NRG1: variants seen among roughly 807,000 people sequenced by gnomAD.
The protein encoded by NRG1 is pro-neuregulin-1, membrane-bound isoform.
A neutral mutation model predicts 63.8 loss-of-function variants in NRG1; 18 were observed. The observed-to-expected ratio is 0.28, with a 90% CI of 0.19 to 0.42. NRG1 has a LOEUF of 0.42. Among genes scored for constraint, NRG1 ranks in the 10% least tolerant of loss-of-function variants. The pLI is 1.00. For synonymous variants in NRG1, 302 were observed against 301.3 expected, an observed-to-expected ratio of 1.00 and a Z score of -0.02; for missense variants, 762 against 814.7, an observed-to-expected ratio of 0.94 and a Z score of 0.79.
rs140767452 is a variant in NRG1, at chr8:32,383,046, A to T, written c.38-212782A>T. ...AGATCAGCCTGGGCAATGTAGCAAG[A>T]TTTCGTCCCTACTAAAAAAAAAAAA... On this transcript the variant is annotated intron_variant, in intron 1 of 10. Coordinates refer to the NRG1 transcript ENST00000519301. 4.5e-3 allele frequency among the ~76,000 whole-genome samples: 680 copies of T among 150,376 alleles called. 5 individuals carry two copies. The highest frequency in any genetic ancestry group is 0.016 in the African/African-American group (642 of 40,778).
chr8:32,485,696 A>ACAATTGT (rs1825818189), intron 1 of NRG1, among the ~76,000 whole-genome samples: 2 of 152,216 alleles, frequency 1.3e-5, no homozygotes, highest in African/African-American at 4.8e-5. Context: ...AAACAAGTAA[A>ACAATTGT]CAATTGTCAG....
chr8:32,372,637 A>C (rs898506116), intron 1 of NRG1, among the ~76,000 whole-genome samples: 1 of 152,190 alleles, frequency 6.6e-6, no homozygotes, highest in Admixed American at 6.6e-5. Flanking sequence ...GTTTTAAAAA[A>C]TTGAATGTAG....
At chr8:32,606,098 A>T (rs534067959) in intron 3 of NRG1, among the ~76,000 whole-genome samples, 67 of 149,742 alleles carry the variant, frequency 4.5e-4, no homozygotes, top group African/African-American at 1.6e-3. Context: ...ATTATGTATT[A>T]TATATGCGTT....
At chr8:32,284,875 A>G (rs1935466158) in intron 1 of NRG1, among the ~76,000 whole-genome samples, 2 of 152,168 alleles carry the variant, frequency 1.3e-5, no homozygotes, top group Non-Finnish European at 2.9e-5. Context: ...AACAATGCCC[A>G]GAGCATATGC....
intron 5 of NRG1, among the ~76,000 whole-genome samples, chr8:32,650,598 G>C (rs980586395): frequency 8.1e-6 from 1 of 124,038 alleles, no homozygotes; most frequent in East Asian, 2.7e-4. Context: ...TTAGAGACTT[G>C]TAAGTGGTTG....
exon 12 of NRG1, chr8:32,766,757 G>A (rs1354116243): frequency 6.6e-6 from 1 of 152,126 alleles, no homozygotes; most frequent in Admixed American, 6.6e-5. Flanking sequence ...ATCACTCACA[G>A]AGGTGGCATA....
intron 1 of NRG1, among the ~76,000 whole-genome samples, chr8:31,982,114 G>C (rs1406659608): frequency 6.6e-6 from 1 of 151,898 alleles, no homozygotes; most frequent in Non-Finnish European, 1.5e-5. Flanking sequence ...AACTGGTAAA[G>C]GTGGCAGGAT....
At chr8:32,176,372 C>A (rs1840730212) in intron 1 of NRG1, among the ~76,000 whole-genome samples, 1 of 152,150 alleles carries the variant, frequency 6.6e-6, no homozygotes, top group Non-Finnish European at 1.5e-5. Flanking sequence ...ACCATAAAAA[C>A]CCTAGAAGAA....
At chr8:32,392,972 A>G (rs1391126544) in intron 1 of NRG1, among the ~76,000 whole-genome samples, 1 of 152,118 alleles carries the variant, frequency 6.6e-6, no homozygotes, top group East Asian at 1.9e-4. Flanking sequence ...GGGCTGTCCC[A>G]CTGTCTCTGC....
At chr8:31,901,747 C>T (rs533438872) in intron 1 of NRG1, among the ~76,000 whole-genome samples, 2 of 152,284 alleles carry the variant, frequency 1.3e-5, no homozygotes, top group Admixed American at 6.5e-5. Context: ...TCAGCAACTA[C>T]TTTAGTTTAA....
At chr8:31,800,980 AC>A (rs777186019) in intron 1 of NRG1, among the ~76,000 whole-genome samples, 8 of 150,092 alleles carry the variant, frequency 5.3e-5, no homozygotes, top group Non-Finnish European at 1.0e-4. Flanking sequence ...AGCTGGGACT[AC>A]AGGCACCTGA....
intron 1 of NRG1, among the ~76,000 whole-genome samples, chr8:32,040,175 A>C (rs1310206561): frequency 6.6e-6 from 1 of 152,152 alleles, no homozygotes; most frequent in African/African-American, 2.4e-5. Context: ...TTCTATCATC[A>C]TTCTCATAAT....
chr8:31,732,285 A>G (rs1474675610), intron 1 of NRG1, among the ~76,000 whole-genome samples: 1 of 152,116 alleles, frequency 6.6e-6, no homozygotes, highest in African/African-American at 2.4e-5. Flanking sequence ...TTTGCTCATA[A>G]AAACTCTGGT....
At chr8:31,669,144 C>T (rs1047183411) in intron 1 of NRG1, among the ~76,000 whole-genome samples, 2 of 152,058 alleles carry the variant, frequency 1.3e-5, no homozygotes, top group African/African-American at 4.8e-5. Flanking sequence ...CAGACTTGAC[C>T]TTCTGGGCAC....
At chr8:32,549,411 G>C (rs1178919936) in intron 1 of NRG1, among the ~76,000 whole-genome samples, 3 of 152,180 alleles carry the variant, frequency 2.0e-5, no homozygotes, top group Non-Finnish European at 2.9e-5. Context: ...CCTGTGCTAC[G>C]GAGACTCAAG....
Position 31,753,964 on chromosome 8 carries a change from T to G in NRG1, c.37+114533T>G, listed in dbSNP as rs117511692. 3.8e-3 allele frequency among the ~76,000 whole-genome samples: 584 copies of G among 152,246 alleles called. 1 individual carries two copies. The highest frequency in any genetic ancestry group is 0.02 in the Middle Eastern group (6 of 294). ...GAGGTGTTGAACTGAAACACATCCT[T>G]CTAGGTACTTAGCTGTTTTGTTTCT... On this transcript the variant is annotated intron_variant, in intron 1 of 10. Coordinates refer to the NRG1 transcript ENST00000519301.
intron 1 of NRG1, among the ~76,000 whole-genome samples, chr8:31,960,850 A>C (rs1805327253): frequency 6.6e-6 from 1 of 152,250 alleles, no homozygotes; most frequent in African/African-American, 2.4e-5. Flanking sequence ...GCAATACATT[A>C]AGATTTAATA....
At chr8:32,455,672 A>G (rs555241739) in intron 1 of NRG1, among the ~76,000 whole-genome samples, 1 of 152,234 alleles carries the variant, frequency 6.6e-6, no homozygotes, top group African/African-American at 2.4e-5. Context: ...TTAGATACCA[A>G]TTAGGTTTAA....
chr8:32,344,330 C>CTTTCTTTCTTTCT (rs1266781168), intron 1 of NRG1, among the ~76,000 whole-genome samples: 1 of 54,506 alleles, frequency 1.8e-5, no homozygotes, highest in African/African-American at 6.3e-5. Flanking sequence ...CTTTCTCTTT[C>CTTTCTTTCTTTCT]TTTCTTTCTT....
Sources: allele counts gnomAD v4.1 joint callset (sites outside exome capture counted in the v4.1 genomes callset), GRCh38; gene constraint gnomAD v4.1.1; transcripts MANE v1.5; gene names NCBI Gene and HGNC (gene_info 2026-07-23, HGNC 2026-07-21).